The following PRTG variants were observed in gnomAD, a reference collection of about 807,000 sequenced individuals.
PRTG encodes protogenin.
Under a neutral mutation model 122.5 loss-of-function variants are expected in PRTG, and 67 were observed. The observed-to-expected ratio is 0.55, with a 90% CI of 0.45 to 0.67. PRTG has a LOEUF of 0.67. PRTG is among the 30% of genes least tolerant of loss of function. The pLI is 0.00. For synonymous variants in PRTG, 554 were observed against 501.1 expected (o/e 1.11, Z -1.41); for missense variants, 1,435 against 1,415.4 (o/e 1.01, Z -0.22).
chr15:55,726,656 AAT>A lies in PRTG; in HGVS notation c.397+13724_397+13725del, dbSNP rs2031043364. ...ATCTTCGTCTCAAAAAAAAAAAAAAAATAGATTAAAATTATAAAAAGTATTTT... is the reference window on the plus strand; with the variant it reads ...ATCTTCGTCTCAAAAAAAAAAAAAAAAGATTAAAATTATAAAAAGTATTTT... On this transcript the variant is annotated intron_variant, in intron 2 of 19. Coordinates refer to ENST00000389286, the MANE Select transcript of PRTG (RefSeq NM_173814.6). Among the ~76,000 whole-genome samples, 3 of 151,102 alleles carry A rather than the reference AAT, an allele frequency of 2.0e-5. 1 individual carries two copies. Among genetic ancestry groups the A allele is most frequent in the Admixed American group, 6.6e-5 (1 of 15,194 alleles).
At chr15:55,739,282 T>A (rs1418878126) in intron 2 of PRTG, among the ~76,000 whole-genome samples, 11 of 148,500 alleles carry the variant, frequency 7.4e-5, no homozygotes, top group Non-Finnish European at 1.6e-4. Flanking sequence ...TTTTTTTCCT[T>A]AAAGAGATGG....
chr15:55,702,300 C>T (rs979746844), intron 2 of PRTG, among the ~76,000 whole-genome samples: 1 of 152,150 alleles, frequency 6.6e-6, no homozygotes, highest in Non-Finnish European at 1.5e-5. Flanking sequence ...CTTTAATATT[C>T]CCAGGAGCTT....
At chr15:55,627,477 C>T (rs1467119423) in intron 16 of PRTG, among the ~76,000 whole-genome samples, 3 of 150,484 alleles carry the variant, frequency 2.0e-5, no homozygotes, top group Non-Finnish European at 4.4e-5. Flanking sequence ...GCACCCACCA[C>T]CAACGCCCAG....
intron 11 of PRTG, among the ~76,000 whole-genome samples, chr15:55,659,264 G>A (rs749457311): frequency 1.3e-5 from 2 of 152,102 alleles, no homozygotes; most frequent in Non-Finnish European, 2.9e-5. Context: ...AACCCTCGTG[G>A]GATCACACTA....
In PRTG at chr15:55,658,219, T is replaced by C. The variant is rs113959296; in HGVS notation, c.2041+14226A>G. On this transcript the variant is annotated intron_variant, in intron 11 of 19. Coordinates refer to ENST00000389286, the MANE Select transcript of PRTG (RefSeq NM_173814.6). ...CTTGTTAAACCTCAGTAGCTAAATATATAGGATTTCTCCAGCTTTTCCAAT... is the reference window on the plus strand; with the variant it reads ...CTTGTTAAACCTCAGTAGCTAAATACATAGGATTTCTCCAGCTTTTCCAAT... Among the ~76,000 whole-genome samples the C allele has an allele frequency of 4.6e-3, 699 of 152,342 alleles. 6 individuals are homozygous for C. Among genetic ancestry groups the C allele is most frequent in the African/African-American group, 0.016 (657 of 41,582 alleles).
rs537237260 is a variant in PRTG at position 55,652,285 on chromosome 15, C to T, written c.2042-11077G>A. ...ATGCCTAATGTATATCCTGATATAA[C>T]GTCAGGATATGCCTGTAGGAATGAT... On this transcript the variant is annotated intron_variant, in intron 11 of 19. Coordinates refer to ENST00000389286, the MANE Select transcript of PRTG (RefSeq NM_173814.6). 5.9e-5 allele frequency among the ~76,000 whole-genome samples: 9 copies of T among 152,140 alleles called. No homozygotes were observed. In the South Asian group the frequency reaches 1.5e-3, roughly 25 times the overall value.
chr15:55,689,125 T>C (rs2059586457), intron 2 of PRTG, among the ~76,000 whole-genome samples: 1 of 152,154 alleles, frequency 6.6e-6, no homozygotes, highest in Admixed American at 6.5e-5. Flanking sequence ...CTTCCCCTCT[T>C]CAAAACACTC....
Position 55,742,894 on chromosome 15 carries a change from G to A in PRTG, c.38C>T (p.Pro13Leu). Reference sequence around the variant, plus strand: ...GAGCGCGCGGAGCAGCATCCCCGGCGGTCGCAGCCGGGCGAGGGGTCGCAG... The same window carrying A: ...GAGCGCGCGGAGCAGCATCCCCGGCAGTCGCAGCCGGGCGAGGGGTCGCAG... ...PPLRPLARLR[P>L]PGMLLRALLL... is the part of the protein sequence containing the mutation. The change falls in exon 1 of 20, where the codon CCG becomes CTG. Residue 13 changes from proline (P) to leucine (L), a missense_variant. Pro to Leu is a moderately conservative substitution (Grantham distance 98). Transcript: ENST00000389286. The A allele has an allele frequency of 8.5e-6, 13 of 1,530,904 alleles. No homozygotes were observed. The highest frequency in any genetic ancestry group is 1.1e-5 in the Non-Finnish European group (12 of 1,138,182). The allele number at this position is 1,530,904 out of a possible 1,614,324, so 94.8% of individuals were successfully genotyped here. A position where few individuals can be genotyped will look rare whatever the true frequency, so the allele number is the denominator to read the frequency against.
intron 11 of PRTG, among the ~76,000 whole-genome samples, chr15:55,667,862 G>A (rs747679465): frequency 7.2e-5 from 11 of 152,196 alleles, no homozygotes; most frequent in Admixed American, 2.6e-4. Context: ...GAGGCAGGTG[G>A]ATGGCTTGAG....
intron 11 of PRTG, among the ~76,000 whole-genome samples, chr15:55,657,451 A>G (rs1343812451): frequency 1.3e-5 from 2 of 152,204 alleles, no homozygotes; most frequent in Non-Finnish European, 2.9e-5. Context: ...CTCTAGGTCA[A>G]CCAAAACTCT....
intron 4 of PRTG, chr15:55,681,565 A>G (rs994727470): frequency 2.0e-5 from 3 of 152,126 alleles, no homozygotes; most frequent in African/African-American, 7.2e-5. Flanking sequence ...ATTAACAATG[A>G]TAATTTTTGC....
chr15:55,637,094 A>T, intron 15 of PRTG, 76 bp downstream of exon 15: 1 of 1,157,688 alleles, frequency 8.6e-7, no homozygotes, highest in Non-Finnish European at 1.2e-6. Flanking sequence ...AATAAACTCT[A>T]GATTCCCCTT....
At chr15:55,643,756 A>G (rs908816688) in intron 11 of PRTG, among the ~76,000 whole-genome samples, 10 of 152,116 alleles carry the variant, frequency 6.6e-5, no homozygotes, top group African/African-American at 2.4e-4. Context: ...TCCAATATAC[A>G]TGAAGCTGAA....
intron 2 of PRTG, among the ~76,000 whole-genome samples, chr15:55,723,527 A>G (rs1216268162): frequency 6.6e-6 from 1 of 152,096 alleles, no homozygotes; most frequent in African/African-American, 2.4e-5. Flanking sequence ...TGAAAAAATA[A>G]TGGCTGAAAA....
At chr15:55,667,893 C>A (rs1224865258) in intron 11 of PRTG, among the ~76,000 whole-genome samples, 1 of 152,108 alleles carries the variant, frequency 6.6e-6, no homozygotes, top group Non-Finnish European at 1.5e-5. Context: ...CAAGACCAGC[C>A]TGGGCAACAG....
chr15:55,620,551 C>A, intron 19 of PRTG, 112 bp downstream of exon 19: 3 of 1,408,664 alleles, frequency 2.1e-6, no homozygotes, highest in Non-Finnish European at 1.9e-6. Flanking sequence ...AAATCACAGC[C>A]ATGAAGAACA....
chr15:55,687,289 A>AT (rs1206295610), intron 2 of PRTG, among the ~76,000 whole-genome samples: 3 of 151,888 alleles, frequency 2.0e-5, no homozygotes, highest in South Asian at 2.1e-4. Context: ...TTTTACTGGC[A>AT]TTTTTTTTAG....
Position 55,639,667 on chromosome 15 carries a change from C to G in PRTG, c.2299G>C (p.Ala767Pro), listed in dbSNP as rs1348221124. The change falls in exon 13 of 20, where the codon GCT (alanine) becomes CCT (proline). Residue 767 changes from alanine (A) to proline (P), a missense_variant. Physicochemically the swap from Ala to Pro is conservative, Grantham distance 27. Coordinates refer to ENST00000389286, the MANE Select transcript of PRTG (RefSeq NM_173814.6). ...GTTTGAAGGTACAGAACCAAAGAAG[C>G]ATTCTGCAGGCCAACAGGATTACAG... Reference protein sequence around the residue: ...IRCNPVGLQNASLVLYLQTSE... With the variant: ...IRCNPVGLQNPSLVLYLQTSE... 2 of 1,614,022 alleles carry G rather than the reference C, an allele frequency of 1.2e-6. No homozygotes were observed. Among genetic ancestry groups the G allele is most frequent in the Non-Finnish European group, 1.7e-6 (2 of 1,179,996 alleles).
rs542560850 is a variant in PRTG at position 55,612,016 on chromosome 15, A to C, written c.*7996T>G. 4 of 115,682 alleles carry C rather than the reference A, an allele frequency of 3.5e-5. No individual in the cohort carries two copies. The highest frequency in any genetic ancestry group is 5.4e-5 in the Non-Finnish European group (3 of 55,688). 7.2% of individuals were successfully genotyped at this position (115,682 alleles called of 1,614,324 possible). On this transcript the variant is annotated 3_prime_UTR_variant, in exon 20 of 20. Transcript: ENST00000389286. Reference sequence around the variant, plus strand: ...CATTTAATTCACATCTTTGAAGAAAATAGAAAAAAAAAAATCATACACACA... The same window carrying C: ...CATTTAATTCACATCTTTGAAGAAACTAGAAAAAAAAAAATCATACACACA...
Sources: allele counts gnomAD v4.1 joint callset (sites outside exome capture counted in the v4.1 genomes callset), GRCh38; gene constraint gnomAD v4.1.1; transcripts MANE v1.5; gene names NCBI Gene and HGNC (gene_info 2026-07-23, HGNC 2026-07-21).